CFHR4: variants seen among roughly 807,000 people sequenced by gnomAD.
CFHR4 encodes complement factor H-related protein 4.
Under a neutral mutation model 69.3 loss-of-function variants are expected in CFHR4, and 64 were observed. The observed-to-expected ratio is 0.92, with a 90% confidence interval of 0.76 to 1.14. The LOEUF is 1.14. CFHR4 is among the 50% of genes most tolerant of loss of function. The pLI is 0.00. For missense variants in CFHR4, 636 were observed against 684.9 expected, an observed-to-expected ratio of 0.93 and a Z score of 0.80; for synonymous variants, 244 against 237.0, an observed-to-expected ratio of 1.03 and a Z score of -0.27.
intron 6 of CFHR4, among the ~76,000 whole-genome samples, 164 bp downstream of exon 6, chr1:196,910,642 T>C (rs1249587441): frequency 6.6e-6 from 1 of 151,466 alleles, no homozygotes; most frequent in Admixed American, 6.6e-5. Context: ...GAGACCTTCA[T>C]GAAAATCACA....
chr1:196,914,807 A>G, intron 8 of CFHR4, 136 bp downstream of exon 8: 1 of 1,407,040 alleles, frequency 7.1e-7, no homozygotes, highest in Non-Finnish European at 9.4e-7. Flanking sequence ...TTATCTTGAG[A>G]CTTAAAAAAA....
chr1:196,902,894 A>T (rs930312558), intron 2 of CFHR4, among the ~76,000 whole-genome samples: 1 of 151,500 alleles, frequency 6.6e-6, no homozygotes, highest in East Asian at 1.9e-4. Context: ...TTGTAAAAAC[A>T]TTTAGTAGTA....
intron 1 of CFHR4, among the ~76,000 whole-genome samples, chr1:196,888,719 A>G (rs887611422): frequency 5.9e-5 from 9 of 151,416 alleles, no homozygotes; most frequent in African/African-American, 1.7e-4. Context: ...TAACATTAAT[A>G]TGAATTTAAT....
rs537950839 is a variant in CFHR4 at position 196,888,186 on chromosome 1, G to A, written c.36G>A (p.Trp12Ter). The A allele has an allele frequency of 4.4e-5, 71 of 1,611,102 alleles. 3 individuals are homozygous for A. In the East Asian group the frequency reaches 1.6e-3, roughly 36 times the overall value. The stretch of plus-strand genomic sequence containing the variant: ...TAATCAATGTCATTCTGACCTTGTG[G>A]GTTTCCTGTGCTAATGGACAAGGTA... The part of the protein sequence containing the change: ...LLLINVILTL[W>*]VSCANGQEVK... Residue 12 changes from tryptophan to a stop codon, truncating the protein, a stop_gained, in exon 1 of 10, where the codon TGG becomes TGA. Transcript: ENST00000608469. LOFTEE classifies it high-confidence loss of function.
In CFHR4 at chr1:196,918,418, T is replaced by C. The variant is rs1380936277; in HGVS notation, c.*12T>C. ...CCAGATGCGAATAAGGCAGCATTGT[T>C]ACCCTAAATGTATGTCCAACTTCCA... On this transcript the variant is annotated 3_prime_UTR_variant, in exon 10 of 10. Transcript: ENST00000608469. 3 of 1,605,826 alleles carry C rather than the reference T, an allele frequency of 1.9e-6. No homozygotes were observed. The African/African-American group carries it at 4.0e-5, about 22-fold the overall frequency.
intron 1 of CFHR4, among the ~76,000 whole-genome samples, chr1:196,900,317 A>ATTTTT (rs36051521): frequency 1.2e-4 from 16 of 134,014 alleles, no homozygotes; most frequent in African/African-American, 4.2e-4. Context: ...CATAGGTGGA[A>ATTTTT]TTTTTTTTTT....
intron 2 of CFHR4, among the ~76,000 whole-genome samples, chr1:196,903,823 A>C (rs1657755678): frequency 6.6e-6 from 1 of 151,474 alleles, no homozygotes; most frequent in Admixed American, 6.6e-5. Flanking sequence ...GCATTAATTA[A>C]CAATGCTTGC....
chr1:196,914,405 G>A lies in CFHR4; in HGVS notation c.1181-90G>A, dbSNP rs1658456293. The A allele has an allele frequency of 2.9e-6, 4 of 1,356,166 alleles. No individual in the cohort carries two copies. In the South Asian group the frequency reaches 4.7e-5, roughly 16 times the overall value. 84.0% of individuals were successfully genotyped at this position (1,356,166 alleles called of 1,614,324 possible). A position where few individuals can be genotyped will look rare whatever the true frequency, so the allele number is the denominator to read the frequency against. On this transcript the variant is annotated intron_variant, in intron 7 of 9. Transcript: ENST00000608469. ...CTCAATTTATTAGCACACACTGATT[G>A]GTAAATTTTATCCCTACAATGGGAC...
chr1:196,901,307 G>A lies in CFHR4; in HGVS notation c.59-1111G>A, dbSNP rs1037684233. Among the ~76,000 whole-genome samples, 2 of 151,204 alleles carry A rather than the reference G, an allele frequency of 1.3e-5. 1 individual carries two copies. Among genetic ancestry groups the A allele is most frequent in the Non-Finnish European group, 2.9e-5 (2 of 67,856 alleles). On this transcript the variant is annotated intron_variant, in intron 1 of 9. Transcript: ENST00000608469. Reference sequence around the variant, plus strand: ...AAGAGAAATATGGACTGTAGGCCAAGAATCTATACCTAGAGAAGTTACTCA... The same window carrying A: ...AAGAGAAATATGGACTGTAGGCCAAAAATCTATACCTAGAGAAGTTACTCA...
chr1:196,888,902 C>T lies in CFHR4; in HGVS notation c.58+694C>T, dbSNP rs140297655. On this transcript the variant is annotated intron_variant, in intron 1 of 9. Coordinates refer to ENST00000608469, the MANE Select transcript of CFHR4 (RefSeq NM_001201550.3). ...ATTTTCATAGCTTTATGTCATTGTTCTCTGATATGTTTTCTCCTCGATAGT... is the reference window on the plus strand; with the variant it reads ...ATTTTCATAGCTTTATGTCATTGTTTTCTGATATGTTTTCTCCTCGATAGT... 6.2e-3 allele frequency among the ~76,000 whole-genome samples: 932 copies of T among 151,202 alleles called. 39 individuals are homozygous for T. The highest frequency in any genetic ancestry group is 0.022 in the African/African-American group (886 of 41,090).
intron 4 of CFHR4, 129 bp from the exon 5 acceptor site, chr1:196,907,187 A>G (rs1031803778): frequency 1.7e-6 from 2 of 1,209,296 alleles, no homozygotes; most frequent in African/African-American, 1.6e-5. Context: ...CTTAAAAAAA[A>G]AGGTTGAAAA....
Sources: allele counts gnomAD v4.1 joint callset (sites outside exome capture counted in the v4.1 genomes callset), GRCh38; gene constraint gnomAD v4.1.1; transcripts MANE v1.5; gene names NCBI Gene and HGNC (gene_info 2026-07-23, HGNC 2026-07-21).